Variants in SRP54 observed in about 807,000 individuals in gnomAD.
The protein encoded by SRP54 is signal recognition particle subunit SRP54.
Under a neutral mutation model 64.8 loss-of-function variants are expected in SRP54, and 10 were observed. That is an observed-to-expected ratio of 0.15 (90% CI 0.10 to 0.26). The LOEUF (loss-of-function observed/expected upper bound fraction) is 0.26. SRP54 is among the 10% of genes least tolerant of loss of function. SRP54 has a pLI of 1.00. For missense variants in SRP54, 325 were observed against 613.7 expected (o/e 0.53, Z 4.97); for synonymous variants, 193 against 185.6 (o/e 1.04, Z -0.32).
At chr14:34,992,821 A>G (rs920191340) in intron 1 of SRP54, among the ~76,000 whole-genome samples, 3 of 151,934 alleles carry the variant, frequency 2.0e-5, no homozygotes, top group African/African-American at 7.3e-5. Flanking sequence ...GACACTTCCT[A>G]AAGTTTGCCC....
At chr14:34,983,786 C>T (rs993249776) in intron 1 of SRP54, among the ~76,000 whole-genome samples, 1 of 152,130 alleles carries the variant, frequency 6.6e-6, no homozygotes, top group Non-Finnish European at 1.5e-5. Context: ...TTGTTCTTGG[C>T]TACAAGGATA....
chr14:34,995,188 T>TGTGTGTAG (rs1555353238), intron 1 of SRP54, among the ~76,000 whole-genome samples: 10 of 79,910 alleles, frequency 1.3e-4, no homozygotes, highest in African/African-American at 3.6e-4. Flanking sequence ...TGTGTGTGTG[T>TGTGTGTAG]AGAGAGAGAG....
chr14:35,001,959 G>A (rs1306664845), intron 4 of SRP54, among the ~76,000 whole-genome samples: 1 of 151,860 alleles, frequency 6.6e-6, no homozygotes, highest in Non-Finnish European at 1.5e-5. Context: ...ACAGTGCTTT[G>A]GGAGGCGGAG....
intron 9 of SRP54, 149 bp from the exon 10 acceptor site, chr14:35,013,653 A>G (rs113835670): frequency 8.7e-6 from 9 of 1,038,504 alleles, no homozygotes; most frequent in South Asian, 4.9e-5. Context: ...AGCCTGTCTG[A>G]TATAGGTCTA....
In SRP54 at chr14:34,987,419, C is replaced by T. The variant is rs1416078274; in HGVS notation, c.-34+4204C>T. 2.0e-5 allele frequency among the ~76,000 whole-genome samples: 3 copies of T among 151,762 alleles called. 1 individual carries two copies. The highest frequency in any genetic ancestry group is 4.1e-4 in the South Asian group (2 of 4,826). ...TTTTTATTATCCCATGAAGAAACCC[C>T]ATACCTATTAGCAATCATTCCCTAT... On this transcript the variant is annotated intron_variant, in intron 1 of 15. Coordinates refer to ENST00000216774, the MANE Select transcript of SRP54 (RefSeq NM_003136.4).
At chr14:35,013,578 AAAATAT>A in intron 9 of SRP54, 84 bp downstream of exon 9, 4 of 1,446,844 alleles carry the variant, frequency 2.8e-6, no homozygotes, top group Non-Finnish European at 3.8e-6. Flanking sequence ...TTGATCATTT[AAAATAT>A]GTTTCAATAG....
At chr14:34,992,267 A>T in intron 1 of SRP54, among the ~76,000 whole-genome samples, 1 of 152,066 alleles carries the variant, frequency 6.6e-6, no homozygotes, top group Non-Finnish European at 1.5e-5. Flanking sequence ...AACTATATGT[A>T]TTCATGTATT....
At chr14:35,000,410 AC>A (rs1242537391) in intron 3 of SRP54, among the ~76,000 whole-genome samples, 2 of 152,016 alleles carry the variant, frequency 1.3e-5, no homozygotes, top group East Asian at 3.9e-4. Flanking sequence ...TACTAAAAAT[AC>A]AAAAAATTAG....
intron 4 of SRP54, 38 bp downstream of exon 4, chr14:35,001,058 CAG>C (rs765860954): frequency 4.5e-6 from 5 of 1,112,766 alleles, no homozygotes; most frequent in Admixed American, 2.5e-5. Flanking sequence ...ATTCTATACT[CAG>C]TGGATAAAAA....
At chr14:35,004,711 A>C (rs550305084) in intron 4 of SRP54, 1 of 152,326 alleles carries the variant, frequency 6.6e-6, no homozygotes, top group East Asian at 1.9e-4. Context: ...GAGAGCTGGG[A>C]GTTTTTGCCA....
intron 14 of SRP54, among the ~76,000 whole-genome samples, chr14:35,025,084 T>G (rs998764701): frequency 2.6e-5 from 4 of 152,166 alleles, no homozygotes; most frequent in African/African-American, 9.7e-5. Flanking sequence ...CTCAATTGAA[T>G]TTATTTTGCT....
intron 4 of SRP54, among the ~76,000 whole-genome samples, chr14:35,002,864 G>GC (rs908961752): frequency 1.4e-5 from 2 of 146,628 alleles, no homozygotes; most frequent in Admixed American, 1.4e-4. Flanking sequence ...CTGCCTCAGT[G>GC]CCCCCCAAGT....
At chr14:35,026,173 TG>T (rs1484344191) in intron 14 of SRP54, among the ~76,000 whole-genome samples, 4 of 151,720 alleles carry the variant, frequency 2.6e-5, no homozygotes, top group African/African-American at 7.3e-5. Flanking sequence ...ATTCTGTTGT[TG>T]TTTTTTTATT....
chr14:35,009,429 T>C (rs1315031731), intron 7 of SRP54, among the ~76,000 whole-genome samples: 1 of 151,854 alleles, frequency 6.6e-6, no homozygotes, highest in Non-Finnish European at 1.5e-5. Context: ...TTTTGTAACA[T>C]TATGTGTCTT....
intron 1 of SRP54, among the ~76,000 whole-genome samples, chr14:34,984,801 C>T (rs1259588130): frequency 6.6e-6 from 1 of 152,086 alleles, no homozygotes; most frequent in Non-Finnish European, 1.5e-5. Context: ...CATGCCCTGC[C>T]TAAACCTTAT....
intron 12 of SRP54, 40 bp downstream of exon 12, chr14:35,018,805 A>G (rs1266191077): frequency 2.6e-6 from 4 of 1,567,132 alleles, no homozygotes; most frequent in Middle Eastern, 1.7e-4. Context: ...TTTTGTTTTC[A>G]TTAAATTTTC....
At chr14:35,007,140 C>A in intron 4 of SRP54, 143 bp from the exon 5 acceptor site, 1 of 406,604 alleles carries the variant, frequency 2.5e-6, no homozygotes, top group Non-Finnish European at 4.5e-6. Flanking sequence ...CTGCAGTGAG[C>A]TCTGATTATG....
At chr14:34,987,244 A>AT (rs200304562) in intron 1 of SRP54, among the ~76,000 whole-genome samples, 1,578 of 106,562 alleles carry the variant, frequency 0.015, 24 homozygotes, top group African/African-American at 0.042. Context: ...AAAAAAAAAA[A>AT]AAATATATAT....
chr14:35,008,784 C>G lies in SRP54; in HGVS notation c.438C>G (p.Asp146Glu). 6.2e-7 allele frequency: 1 copy of G among 1,609,728 alleles called. No individual in the cohort carries two copies. Among genetic ancestry groups the G allele is most frequent in the Non-Finnish European group, 8.5e-7 (1 of 1,178,774 alleles). Residue 146 changes from aspartate to glutamate, a missense_variant, in exon 7 of 16, where the codon GAC (aspartate) becomes GAG (glutamate). Coordinates refer to ENST00000216774, the MANE Select transcript of SRP54 (RefSeq NM_003136.4). ...CADTFRAGAF[D>E]QLKQNATKAR... is the part of the protein sequence containing the mutation. Reference sequence around the variant, plus strand: ...CTCTTTATCTTCCAGGGGCTTTTGACCAACTAAAACAGAATGCTACCAAAG... The same window carrying G: ...CTCTTTATCTTCCAGGGGCTTTTGAGCAACTAAAACAGAATGCTACCAAAG...
Sources: allele counts gnomAD v4.1 joint callset (sites outside exome capture counted in the v4.1 genomes callset), GRCh38; gene constraint gnomAD v4.1.1; transcripts MANE v1.5; gene names NCBI Gene and HGNC (gene_info 2026-07-23, HGNC 2026-07-21).